The following MICAL2 variants were observed in gnomAD, a reference collection of about 807,000 sequenced individuals.
MICAL2 encodes [F-actin]-monooxygenase MICAL2.
MICAL2 carries 77 observed loss-of-function variants against 127.3 expected under a neutral mutation model. The ratio of observed to expected loss-of-function variants is 0.60; its 90% confidence interval spans 0.50 to 0.73. The LOEUF (loss-of-function observed/expected upper bound fraction) is 0.73. Ranked by LOEUF, MICAL2 falls within the 30% of genes least tolerant of loss-of-function variation. MICAL2 has a pLI of 0.00. For missense variants in MICAL2, 1,351 were observed against 1,434.4 expected, an observed-to-expected ratio of 0.94 and a Z score of 0.94; for synonymous variants, 570 against 551.1, an observed-to-expected ratio of 1.03 and a Z score of -0.48.
chr11:12,185,093 G>GT, intron 3 of MICAL2, among the ~76,000 whole-genome samples: 1 of 91,992 alleles, frequency 1.1e-5, no homozygotes, highest in African/African-American at 4.3e-5. Context: ...GGATGGGTGG[G>GT]GGGATGGATA....
Position 12,231,432 on chromosome 11 carries a change from C to T in MICAL2, c.1995+4301C>T, listed in dbSNP as rs77200434. On this transcript the variant is annotated intron_variant, in intron 15 of 27. Transcript: ENST00000683283. ...TTGTCAGTGTGTGGTCTGAGTGGTC[C>T]AGGTCCCCCTCCCCAACCCTCCTCT... Among the ~76,000 whole-genome samples the T allele has an allele frequency of 2.0e-5, 3 of 152,284 alleles. No homozygotes were observed. In the East Asian group the frequency reaches 5.8e-4, roughly 29 times the overall value.
intron 31 of MICAL2, among the ~76,000 whole-genome samples, chr11:12,326,640 GC>G (rs1393992694): frequency 6.6e-6 from 1 of 152,226 alleles, no homozygotes; most frequent in Non-Finnish European, 1.5e-5. Flanking sequence ...ACAATTTGTA[GC>G]TAAGGACAGG....
intron 3 of MICAL2, among the ~76,000 whole-genome samples, chr11:12,174,824 C>CA (rs1401815258): frequency 6.6e-6 from 1 of 152,090 alleles, no homozygotes; most frequent in Non-Finnish European, 1.5e-5. Context: ...TTAATTCATT[C>CA]AAAAAATCAT....
At chr11:12,194,981 G>T (rs1015759097) in intron 3 of MICAL2, among the ~76,000 whole-genome samples, 1 of 152,204 alleles carries the variant, frequency 6.6e-6, no homozygotes, top group African/African-American at 2.4e-5. Context: ...TTAAACCTGG[G>T]CCAGACACAG....
At chr11:12,248,187 C>T (rs1276290915) in intron 21 of MICAL2, among the ~76,000 whole-genome samples, 1 of 152,192 alleles carries the variant, frequency 6.6e-6, no homozygotes, top group African/African-American at 2.4e-5. Context: ...GATTGATATT[C>T]CACTTTAAAA....
intron 29 of MICAL2, among the ~76,000 whole-genome samples, chr11:12,307,540 TTA>T (rs1242274128): frequency 6.6e-5 from 10 of 152,258 alleles, no homozygotes; most frequent in African/African-American, 2.4e-4. Context: ...CCCAAAAGTT[TTA>T]TAGTTTCTAG....
At chr11:12,360,118 T>TAA (rs1565315803), downstream of MICAL2, among the ~76,000 whole-genome samples, 40 of 24,140 alleles carry the variant, frequency 1.7e-3, no homozygotes, top group African/African-American at 2.3e-3. Context: ...CTTTTTTTTT[T>TAA]TAAAAAAAAA....
intron 19 of MICAL2, 79 bp from the exon 20 acceptor site, chr11:12,242,592 C>A (rs1396164787): frequency 1.4e-6 from 2 of 1,481,262 alleles, no homozygotes; most frequent in Non-Finnish European, 1.9e-6. Context: ...CTGCCTCCCT[C>A]ACCCACTTCT....
chr11:12,178,049 T>C (rs1198291948), intron 3 of MICAL2, among the ~76,000 whole-genome samples: 1 of 152,236 alleles, frequency 6.6e-6, no homozygotes, highest in Non-Finnish European at 1.5e-5. Flanking sequence ...TGAAGGCTGC[T>C]GCCTGAAAGG....
At chr11:12,306,751 A>T (rs1056882712) in intron 29 of MICAL2, among the ~76,000 whole-genome samples, 2 of 152,290 alleles carry the variant, frequency 1.3e-5, no homozygotes, top group African/African-American at 4.8e-5. Context: ...CACTTAGCGT[A>T]ATGCTTTTGA....
chr11:12,278,333 G>A (rs1233941124), intron 1 of MICAL2, among the ~76,000 whole-genome samples: 1 of 152,110 alleles, frequency 6.6e-6, no homozygotes, highest in Non-Finnish European at 1.5e-5. Flanking sequence ...TATTCTATAA[G>A]CTTTTTTATT....
chr11:12,334,434 TTTC>T (rs1173870831), intron 32 of MICAL2, among the ~76,000 whole-genome samples: 1 of 151,998 alleles, frequency 6.6e-6, no homozygotes, highest in East Asian at 1.9e-4. Context: ...TCCAGAATAT[TTTC>T]TTTTCTTTTT....
chr11:12,136,973 T>A (rs934937245), intron 1 of MICAL2, among the ~76,000 whole-genome samples: 1 of 152,198 alleles, frequency 6.6e-6, no homozygotes, highest in African/African-American at 2.4e-5. Flanking sequence ...GAAACTCTGG[T>A]TGGACCAATG....
At chr11:12,114,718 G>A (rs1170940638) in intron 1 of MICAL2, among the ~76,000 whole-genome samples, 14 of 152,208 alleles carry the variant, frequency 9.2e-5, no homozygotes, top group Non-Finnish European at 1.5e-5. Flanking sequence ...ACCAGTGCAT[G>A]TGCTTAGATA....
chr11:12,118,566 C>G (rs1233012341), intron 1 of MICAL2, among the ~76,000 whole-genome samples: 1 of 152,204 alleles, frequency 6.6e-6, no homozygotes, highest in Non-Finnish European at 1.5e-5. Flanking sequence ...TTTGCCAGCT[C>G]TCTCCTTTAG....
In MICAL2 at chr11:12,249,307, A is replaced by C. The variant is rs1035143586; in HGVS notation, c.2847+61A>C. Reference sequence around the variant, plus strand: ...CCTGCAAAGGGGGATTATCAGACCCACCTGCAGGGCTCTGGGAGTTAAGCG... The same window carrying C: ...CCTGCAAAGGGGGATTATCAGACCCCCCTGCAGGGCTCTGGGAGTTAAGCG... On this transcript the variant is annotated intron_variant, in intron 22 of 27. Coordinates refer to ENST00000683283, the MANE Select transcript of MICAL2 (RefSeq NM_001282663.2). The C allele has an allele frequency of 3.1e-6, 3 of 956,974 alleles. No individual in the cohort carries two copies. The African/African-American group carries it at 4.8e-5, about 15-fold the overall frequency. 59.3% of individuals were successfully genotyped at this position (956,974 alleles called of 1,614,324 possible). A position where few individuals can be genotyped will look rare whatever the true frequency, so the allele number is the denominator to read the frequency against.
At chr11:12,262,238 T>A (rs1370800670) in intron 26 of MICAL2, 2 of 1,391,466 alleles carry the variant, frequency 1.4e-6, no homozygotes, top group African/African-American at 2.9e-5. Flanking sequence ...AGAGAGGATA[T>A]CAGGGAGCAA....
chr11:12,209,563 T>C lies in MICAL2; in HGVS notation c.656T>C (p.Ile219Thr). The change falls in exon 6 of 28, where the codon ATC (isoleucine) becomes ACC (threonine). Residue 219 changes from isoleucine to threonine, a missense_variant. Transcript: ENST00000683283. ...CTGTCGGAGTTTGAGTTTGACGTCATCATTGGTGCCGATGGCCGCAGGAAC... is the reference window on the plus strand; with the variant it reads ...CTGTCGGAGTTTGAGTTTGACGTCACCATTGGTGCCGATGGCCGCAGGAAC... The part of the protein sequence containing the change: ...HSLSEFEFDV[I>T]IGADGRRNTL... 1 of 1,614,184 alleles carries C rather than the reference T, an allele frequency of 6.2e-7. No individual in the cohort carries two copies. Among genetic ancestry groups the C allele is most frequent in the Non-Finnish European group, 8.5e-7 (1 of 1,180,026 alleles).
intron 2 of MICAL2, among the ~76,000 whole-genome samples, chr11:12,286,467 A>G (rs1409909811): frequency 6.6e-6 from 1 of 152,248 alleles, no homozygotes; most frequent in Non-Finnish European, 1.5e-5. Context: ...ATGTCTACAC[A>G]TATGCATATA....
Sources: gnomAD v4.1 joint callset for allele counts (sites outside exome capture counted in the v4.1 genomes callset) on GRCh38, gnomAD v4.1.1 for gene constraint, MANE v1.5 for transcripts, NCBI Gene and HGNC (gene_info 2026-07-23, HGNC 2026-07-21) for gene names.